The following CFAP52 variants were observed in gnomAD, a reference collection of about 807,000 sequenced individuals.
The protein encoded by CFAP52 is cilia- and flagella-associated protein 52.
In CFAP52, 57 loss-of-function variants were observed where a neutral mutation model predicts 70.5. The ratio of observed to expected loss-of-function variants is 0.81; its 90% confidence interval spans 0.65 to 1.01. CFAP52 has a LOEUF of 1.01. CFAP52 is among the 50% of genes least tolerant of loss of function. CFAP52 has a pLI of 0.00. For synonymous variants in CFAP52, 267 were observed against 292.5 expected, an observed-to-expected ratio of 0.91 and a Z score of 0.89; for missense variants, 785 against 788.5, an observed-to-expected ratio of 1.00 and a Z score of 0.05.
At chr17:9,607,005 T>G (rs1909517437) in intron 6 of CFAP52, among the ~76,000 whole-genome samples, 1 of 152,224 alleles carries the variant, frequency 6.6e-6, no homozygotes, top group African/African-American at 2.4e-5. Flanking sequence ...TCAAAATTCA[T>G]TAAGACACAA....
At chr17:9,600,211 G>C in intron 6 of CFAP52, 28 bp downstream of exon 6, 1 of 1,578,382 alleles carries the variant, frequency 6.3e-7, no homozygotes, top group South Asian at 1.1e-5. Flanking sequence ...CCACTGCCCT[G>C]CCATTTTTCT....
chr17:9,593,336 A>G (rs1042994525), intron 3 of CFAP52, among the ~76,000 whole-genome samples: 6 of 152,252 alleles, frequency 3.9e-5, no homozygotes, highest in African/African-American at 1.4e-4. Flanking sequence ...GACCAGCAGC[A>G]CACACATCAC....
intron 9 of CFAP52, among the ~76,000 whole-genome samples, chr17:9,631,786 A>G (rs1455317536): frequency 7.1e-6 from 1 of 139,944 alleles, no homozygotes; most frequent in African/African-American, 2.9e-5. Flanking sequence ...TTTTTTTTTG[A>G]GATGGAGTCG....
At chr17:9,589,272 C>T (rs1184067111) in intron 3 of CFAP52, among the ~76,000 whole-genome samples, 1 of 152,138 alleles carries the variant, frequency 6.6e-6, no homozygotes, top group Non-Finnish European at 1.5e-5. Context: ...ATTTAAGCTT[C>T]ATAGGTTTAT....
At chr17:9,615,486 T>C (rs990206575) in intron 8 of CFAP52, among the ~76,000 whole-genome samples, 37 of 152,226 alleles carry the variant, frequency 2.4e-4, no homozygotes, top group Non-Finnish European at 4.4e-5. Context: ...TATATATTTT[T>C]CTGTTTAACA....
At position 9,631,968 on chromosome 17, in the gene CFAP52, T is replaced by A. The variant is rs1245810476; in HGVS notation, c.1175-920T>A. 4.6e-5 allele frequency among the ~76,000 whole-genome samples: 7 copies of A among 152,208 alleles called. No homozygotes were observed. The East Asian group carries it at 1.3e-3, about 29-fold the overall frequency. On this transcript the variant is annotated intron_variant, in intron 9 of 13. Transcript: ENST00000352665. The stretch of plus-strand genomic sequence containing the variant: ...AATTTTTTTTAGTAGAGGTGGGGTC[T>A]TGCCATGTTGACCAGGCTGGTCTCC...
intron 12 of CFAP52, among the ~76,000 whole-genome samples, chr17:9,640,510 C>T (rs1911005156): frequency 6.7e-6 from 1 of 149,704 alleles, no homozygotes; most frequent in Admixed American, 6.8e-5. Context: ...GTTTTCTGTT[C>T]CTGCGTTAGT....
chr17:9,581,905 G>C (rs1349002416), intron 1 of CFAP52, among the ~76,000 whole-genome samples: 1 of 152,168 alleles, frequency 6.6e-6, no homozygotes, highest in Non-Finnish European at 1.5e-5. Context: ...GAGCAGTGTG[G>C]CCATGAGAGG....
At chr17:9,594,830 G>T (rs867799817) in intron 4 of CFAP52, among the ~76,000 whole-genome samples, 1 of 151,786 alleles carries the variant, frequency 6.6e-6, no homozygotes, top group Non-Finnish European at 1.5e-5. Flanking sequence ...GCCTAAGGGA[G>T]GGAATAAATT....
In CFAP52 at chr17:9,623,515, A is replaced by G. The variant is rs182969819; in HGVS notation, c.1026-5157A>G. 2.6e-4 allele frequency among the ~76,000 whole-genome samples: 39 copies of G among 152,382 alleles called. 1 individual carries two copies. In the East Asian group the frequency reaches 7.3e-3, roughly 29 times the overall value. ...ATTATAATTTTTGCTTTAAAGAGTC[A>G]TAAACATTTTCAAGAAATTAAGAGA... On this transcript the variant is annotated intron_variant, in intron 8 of 13. Transcript: ENST00000352665.
intron 9 of CFAP52, 71 bp downstream of exon 9, chr17:9,628,891 T>C (rs1910342211): frequency 1.3e-6 from 2 of 1,595,950 alleles, no homozygotes; most frequent in Admixed American, 1.7e-5. Context: ...TCTCCTCCCA[T>C]ACTAGTCTCT....
intron 1 of CFAP52, among the ~76,000 whole-genome samples, chr17:9,581,506 T>C (rs1235122368): frequency 2.6e-5 from 4 of 151,410 alleles, no homozygotes; most frequent in Non-Finnish European, 4.4e-5. Flanking sequence ...GTTTAAAGTG[T>C]ACATATGTTT....
intron 9 of CFAP52, 131 bp downstream of exon 9, chr17:9,628,951 T>G (rs1377119644): frequency 1.5e-6 from 2 of 1,351,456 alleles, no homozygotes; most frequent in East Asian, 4.8e-5. Context: ...CCTTCTTGCT[T>G]CTAATCTAGC....
At chr17:9,606,127 A>G (rs1395190118) in intron 6 of CFAP52, among the ~76,000 whole-genome samples, 1 of 152,180 alleles carries the variant, frequency 6.6e-6, no homozygotes, top group Non-Finnish European at 1.5e-5. Context: ...TCATGCCTGT[A>G]ATCTTAGCGC....
At chr17:9,615,792 ATTCT>A (rs1909880248) in intron 8 of CFAP52, among the ~76,000 whole-genome samples, 1 of 88,294 alleles carries the variant, frequency 1.1e-5, no homozygotes. Flanking sequence ...CAAAAAAAAA[ATTCT>A]TTTTTTTTTT....
intron 8 of CFAP52, among the ~76,000 whole-genome samples, chr17:9,615,819 T>TTTTC (rs145370335): frequency 3.1e-4 from 26 of 84,448 alleles, no homozygotes; most frequent in Non-Finnish European, 5.9e-4. Context: ...TTTTTTTTTT[T>TTTTC]CCCAGAAACA....
chr17:9,638,831 C>T, intron 12 of CFAP52, 120 bp downstream of exon 12: 1 of 908,226 alleles, frequency 1.1e-6, no homozygotes, highest in South Asian at 1.5e-5. Flanking sequence ...GGTCTGTCAT[C>T]AATCAGCCAT....
chr17:9,614,606 A>G (rs6503236), intron 8 of CFAP52, among the ~76,000 whole-genome samples: 135,168 of 152,284 alleles, frequency 0.89, 60,263 homozygotes, highest in Non-Finnish European at 0.93. Flanking sequence ...TTTGTTTATT[A>G]AACAAATTCA....
intron 8 of CFAP52, among the ~76,000 whole-genome samples, chr17:9,612,989 G>A (rs1486225856): frequency 6.6e-6 from 1 of 152,144 alleles, no homozygotes; most frequent in Admixed American, 6.5e-5. Flanking sequence ...TAATGGAAGT[G>A]TTCTGGGTAT....
Sources: gnomAD v4.1 joint callset for allele counts (sites outside exome capture counted in the v4.1 genomes callset) on GRCh38, gnomAD v4.1.1 for gene constraint, MANE v1.5 for transcripts, NCBI Gene and HGNC (gene_info 2026-07-23, HGNC 2026-07-21) for gene names.